The following VWC2L variants were observed in gnomAD, a reference collection of about 807,000 sequenced individuals.
VWC2L encodes von Willebrand factor C domain containing 2 like, also known as von Willebrand factor C domain-containing protein 2-like.
A neutral mutation model predicts 21.6 loss-of-function variants in VWC2L; 10 were observed. That is an observed-to-expected ratio of 0.46 (90% CI 0.29 to 0.78). The LOEUF is 0.78. Among genes scored for constraint, VWC2L ranks in the 30% least tolerant of loss-of-function variants. The pLI is 0.10. For missense variants in VWC2L, 209 were observed against 277.1 expected (o/e 0.75, Z 1.74); for synonymous variants, 96 against 94.3 (o/e 1.02, Z -0.10).
intron 3 of VWC2L, among the ~76,000 whole-genome samples, chr2:214,438,623 C>T (rs781545455): frequency 5.3e-5 from 8 of 152,060 alleles, no homozygotes; most frequent in Non-Finnish European, 1.2e-4. Flanking sequence ...CTTCTAGCGA[C>T]CCTACACTAA....
chr2:214,537,691 A>C (rs1254529602), intron 3 of VWC2L, among the ~76,000 whole-genome samples: 2 of 152,110 alleles, frequency 1.3e-5, no homozygotes, highest in African/African-American at 2.4e-5. Flanking sequence ...ACATCATAAC[A>C]TTATGCGTAC....
At chr2:214,502,945 T>C (rs997164370) in intron 3 of VWC2L, among the ~76,000 whole-genome samples, 1 of 152,230 alleles carries the variant, frequency 6.6e-6, no homozygotes, top group Non-Finnish European at 1.5e-5. Context: ...TATTTGTATG[T>C]AGTTGTTGTG....
At chr2:214,539,283 G>A (rs1015504048) in intron 3 of VWC2L, among the ~76,000 whole-genome samples, 2 of 152,090 alleles carry the variant, frequency 1.3e-5, no homozygotes, top group African/African-American at 4.8e-5. Flanking sequence ...CCCTAAAAAT[G>A]TTCGATTCAA....
At chr2:214,493,913 G>A (rs1470739399) in intron 3 of VWC2L, among the ~76,000 whole-genome samples, 5 of 152,112 alleles carry the variant, frequency 3.3e-5, no homozygotes, top group African/African-American at 1.2e-4. Flanking sequence ...TCTGGGATGA[G>A]GTTATATCTG....
intron 3 of VWC2L, among the ~76,000 whole-genome samples, chr2:214,544,983 T>G (rs1263937798): frequency 2.0e-5 from 3 of 152,154 alleles, no homozygotes; most frequent in African/African-American, 7.2e-5. Context: ...TTATCCTGAT[T>G]TTTCACATAT....
chr2:214,546,984 G>T (rs1178623666), intron 3 of VWC2L, among the ~76,000 whole-genome samples: 1 of 152,158 alleles, frequency 6.6e-6, no homozygotes, highest in Non-Finnish European at 1.5e-5. Flanking sequence ...TCTTTGTGGT[G>T]TTCAAAGACC....
intron 3 of VWC2L, among the ~76,000 whole-genome samples, chr2:214,569,541 T>TC (rs2105933693): frequency 6.6e-6 from 1 of 152,322 alleles, no homozygotes; most frequent in South Asian, 2.1e-4. Context: ...ATAGTGTCAA[T>TC]GACGTTATAA....
At chr2:214,548,276 G>T (rs1689740673) in intron 3 of VWC2L, among the ~76,000 whole-genome samples, 1 of 152,098 alleles carries the variant, frequency 6.6e-6, no homozygotes, top group South Asian at 2.1e-4. Flanking sequence ...ACAACACAAG[G>T]CATGCAATTT....
chr2:214,563,404 A>C (rs1031251813), intron 3 of VWC2L, among the ~76,000 whole-genome samples: 1 of 151,672 alleles, frequency 6.6e-6, no homozygotes, highest in Non-Finnish European at 1.5e-5. Flanking sequence ...AAAATTAGCC[A>C]GGTATGGTGG....
At chr2:214,564,071 G>T (rs1690023178) in intron 3 of VWC2L, among the ~76,000 whole-genome samples, 1 of 152,062 alleles carries the variant, frequency 6.6e-6, no homozygotes, top group South Asian at 2.1e-4. Context: ...ATTCACAATT[G>T]CCACAACGAG....
intron 3 of VWC2L, among the ~76,000 whole-genome samples, chr2:214,482,685 G>A (rs576233789): frequency 6.7e-6 from 1 of 150,220 alleles, no homozygotes; most frequent in African/African-American, 2.4e-5. Flanking sequence ...TTAATGGCCA[G>A]GCACTGTGGT....
chr2:214,434,678 A>G (rs1227595419), intron 2 of VWC2L, among the ~76,000 whole-genome samples: 1 of 152,246 alleles, frequency 6.6e-6, no homozygotes, highest in African/African-American at 2.4e-5. Flanking sequence ...ACAAAAACTA[A>G]GTAAGTAGAT....
At chr2:214,448,087 T>A (rs1251532304) in intron 3 of VWC2L, among the ~76,000 whole-genome samples, 2 of 152,148 alleles carry the variant, frequency 1.3e-5, no homozygotes, top group Admixed American at 6.5e-5. Flanking sequence ...ATTTTGCTGC[T>A]TTATTGTTCT....
At chr2:214,433,354 A>G (rs981074356) in intron 2 of VWC2L, among the ~76,000 whole-genome samples, 7 of 151,986 alleles carry the variant, frequency 4.6e-5, no homozygotes, top group Non-Finnish European at 8.8e-5. Flanking sequence ...TTAGGATGGT[A>G]TAATTCAATC....
intron 3 of VWC2L, among the ~76,000 whole-genome samples, chr2:214,533,640 A>C (rs998988458): frequency 1.3e-5 from 2 of 152,118 alleles, no homozygotes; most frequent in East Asian, 3.9e-4. Context: ...TGTTATTCCT[A>C]TTCATATAAA....
chr2:214,468,497 T>C (rs538620125), intron 3 of VWC2L, among the ~76,000 whole-genome samples: 56 of 152,352 alleles, frequency 3.7e-4, no homozygotes, highest in African/African-American at 1.2e-3. Flanking sequence ...AGGGGTTTTC[T>C]AATTATGCTT....
Position 214,578,899 on chromosome 2 carries a change from A to G in VWC2L, c.*3079A>G, listed in dbSNP as rs1395352494. On this transcript the variant is annotated 3_prime_UTR_variant, in exon 4 of 4. Transcript: ENST00000312504. The stretch of plus-strand genomic sequence containing the variant: ...CACTAAACTGTAAAAAGGGGATTCT[A>G]GCAACAATATTTGATGTGTAAAAGA... 1 of 152,000 alleles carries G rather than the reference A, an allele frequency of 6.6e-6. No homozygotes were observed. The highest frequency in any genetic ancestry group is 6.6e-5 in the Admixed American group (1 of 15,240). The allele number at this position is 152,000 out of a possible 1,614,324, so 9.4% of individuals were successfully genotyped here. A position where few individuals can be genotyped will look rare whatever the true frequency, so the allele number is the denominator to read the frequency against.
intron 3 of VWC2L, among the ~76,000 whole-genome samples, chr2:214,544,680 T>C (rs893996349): frequency 2.0e-5 from 3 of 152,278 alleles, no homozygotes; most frequent in African/African-American, 7.2e-5. Flanking sequence ...TTCCCCCCTC[T>C]GAGTTCCAAT....
chr2:214,498,436 G>A (rs1370845231), intron 3 of VWC2L, among the ~76,000 whole-genome samples: 1 of 151,988 alleles, frequency 6.6e-6, no homozygotes, highest in African/African-American at 2.4e-5. Flanking sequence ...AAGCAGAAAA[G>A]TCACGGTCTC....
Sources: gnomAD v4.1 joint callset for allele counts (sites outside exome capture counted in the v4.1 genomes callset) on GRCh38, gnomAD v4.1.1 for gene constraint, MANE v1.5 for transcripts, NCBI Gene and HGNC (gene_info 2026-07-23, HGNC 2026-07-21) for gene names.